DNAJC13: variants seen among roughly 807,000 people sequenced by gnomAD.
DNAJC13 encodes dnaJ homolog subfamily C member 13.
Under a neutral mutation model 290.5 loss-of-function variants are expected in DNAJC13, and 75 were observed. The observed-to-expected ratio is 0.26, with a 90% CI of 0.21 to 0.31. The LOEUF (loss-of-function observed/expected upper bound fraction) is 0.31, where lower values mean the gene tolerates loss of function less well. Ranked by LOEUF, DNAJC13 falls within the 10% of genes least tolerant of loss-of-function variation. The pLI is 1.00. For missense variants in DNAJC13, 2,260 were observed against 2,674.5 expected (o/e 0.85, Z 3.42); for synonymous variants, 862 against 892.0 (o/e 0.97, Z 0.60).
chr3:132,516,452 C>T lies in DNAJC13; in HGVS notation c.5516C>T (p.Ala1839Val), dbSNP rs375073935. 2.4e-5 allele frequency: 38 copies of T among 1,613,656 alleles called. No individual in the cohort carries two copies. The highest frequency in any genetic ancestry group is 3.1e-5 in the Non-Finnish European group (36 of 1,179,784). ...CAGCTTGTTCTGGAAACTCTTTATG[C>T]TTTGACATCGAGTACAAAAATAATC... ...SRQLVLETLYALTSSTKIIKE... is the reference protein window; with the variant it reads ...SRQLVLETLYVLTSSTKIIKE... The change falls in exon 47 of 56, where the codon GCT becomes GTT. Residue 1839 changes from alanine to valine, a missense_variant. This residue lies in a region of DNAJC13 where 1,494 missense variants were observed against 1,693.7 expected (regional missense o/e 0.88). Coordinates refer to ENST00000260818, the MANE Select transcript of DNAJC13 (RefSeq NM_015268.4).
At chr3:132,418,692 A>C (rs1938871312) in intron 1 of DNAJC13, among the ~76,000 whole-genome samples, 1 of 152,148 alleles carries the variant, frequency 6.6e-6, no homozygotes, top group South Asian at 2.1e-4. Context: ...TATAGTGTAC[A>C]GTTATGTTGA....
intron 55 of DNAJC13, among the ~76,000 whole-genome samples, chr3:132,536,389 T>C (rs913799018): frequency 6.6e-6 from 1 of 152,082 alleles, no homozygotes; most frequent in Non-Finnish European, 1.5e-5. Context: ...CCCCCATCTG[T>C]TAAATACACA....
chr3:132,479,427 A>C, intron 25 of DNAJC13, 138 bp downstream of exon 25: 1 of 608,688 alleles, frequency 1.6e-6, no homozygotes, highest in Non-Finnish European at 2.9e-6. Flanking sequence ...TGTGTGCTCT[A>C]ATCTCCTGGA....
At chr3:132,447,071 GTTC>G (rs1200852915) in intron 3 of DNAJC13, among the ~76,000 whole-genome samples, 3 of 151,942 alleles carry the variant, frequency 2.0e-5, no homozygotes, top group African/African-American at 7.3e-5. Flanking sequence ...TCACTTCCCA[GTTC>G]TTATCACTTT....
chr3:132,468,840 G>A (rs1314146524), intron 20 of DNAJC13, among the ~76,000 whole-genome samples: 3 of 152,070 alleles, frequency 2.0e-5, no homozygotes, highest in Admixed American at 6.5e-5. Flanking sequence ...TAGTTAAACC[G>A]ATTTCTAAAA....
chr3:132,458,901 C>T (rs923696712), intron 13 of DNAJC13, among the ~76,000 whole-genome samples: 2 of 152,082 alleles, frequency 1.3e-5, no homozygotes, highest in African/African-American at 4.8e-5. Context: ...TGAATTATTG[C>T]TATTTCTAAA....
intron 20 of DNAJC13, 94 bp from the exon 21 acceptor site, chr3:132,473,051 G>A: frequency 2.5e-6 from 2 of 803,744 alleles, no homozygotes; most frequent in Non-Finnish European, 2.0e-6. Context: ...TTTGATGAAA[G>A]AAATGTTTCT....
At position 132,477,880 on chromosome 3, in the gene DNAJC13, C is replaced by T. The variant is rs748318212; in HGVS notation, c.2537C>T (p.Ser846Leu). The T allele has an allele frequency of 6.2e-7, 1 of 1,612,550 alleles. No homozygotes were observed. The highest frequency in any genetic ancestry group is 1.1e-5 in the South Asian group (1 of 90,802). Residue 846 changes from serine (S) to leucine (L), a missense_variant, in exon 23 of 56, where the codon TCA becomes TTA. Physicochemically the swap from Ser to Leu is moderately radical, Grantham distance 145 (BLOSUM62 -2). Around this residue, in one of 3 missense-constraint regions of DNAJC13, gnomAD observed 1,494 missense variants for 1,693.7 expected, o/e 0.88. Coordinates refer to ENST00000260818, the MANE Select transcript of DNAJC13 (RefSeq NM_015268.4). Reference protein sequence around the residue: ...LEEDENEESGSIKRSYEFFNE... With the variant: ...LEEDENEESGLIKRSYEFFNE... ...GAAGATGAGAATGAAGAAAGTGGAT[C>T]AATTAAGAGATCGTGAGCTACTCTG...
chr3:132,450,618 C>G (rs1933388714), intron 5 of DNAJC13, 29 bp from the exon 6 acceptor site: 2 of 1,519,342 alleles, frequency 1.3e-6, no homozygotes, highest in African/African-American at 2.8e-5. Context: ...ATTTTATGAA[C>G]CTAAAAGTAA....
intron 1 of DNAJC13, among the ~76,000 whole-genome samples, chr3:132,424,748 G>A (rs1939047469): frequency 6.6e-6 from 1 of 151,972 alleles, no homozygotes; most frequent in African/African-American, 2.4e-5. Context: ...GGAGGTATCG[G>A]GTTCTTCAGT....
intron 44 of DNAJC13, among the ~76,000 whole-genome samples, chr3:132,512,579 G>A (rs565225209): frequency 6.6e-6 from 1 of 152,272 alleles, no homozygotes; most frequent in South Asian, 2.1e-4. Flanking sequence ...CAGTTTGTTT[G>A]TATTATAGTT....
At chr3:132,534,528 C>A (rs1419167656) in intron 55 of DNAJC13, among the ~76,000 whole-genome samples, 2 of 152,144 alleles carry the variant, frequency 1.3e-5, no homozygotes, top group Admixed American at 6.5e-5. Context: ...CATGTTGGTG[C>A]ATGCCTGTAG....
chr3:132,525,016 TAGTA>T (rs1317516079), intron 51 of DNAJC13, among the ~76,000 whole-genome samples: 2 of 152,224 alleles, frequency 1.3e-5, no homozygotes, highest in Admixed American at 1.3e-4. Flanking sequence ...TAAAAATTTC[TAGTA>T]ATATCATTTG....
intron 14 of DNAJC13, 126 bp downstream of exon 14, chr3:132,460,483 A>G (rs1418534246): frequency 3.1e-5 from 19 of 607,584 alleles, no homozygotes; most frequent in Non-Finnish European, 5.2e-5. Context: ...AGTATTGGTC[A>G]CAGTTCAGCT....
Position 132,490,963 on chromosome 3 carries a change from T to C in DNAJC13, c.3535T>C (p.Tyr1179His). 1 of 1,612,962 alleles carries C rather than the reference T, an allele frequency of 6.2e-7. No individual in the cohort carries two copies. The highest frequency in any genetic ancestry group is 8.5e-7 in the Non-Finnish European group (1 of 1,179,466). Residue 1179 changes from tyrosine to histidine, a missense_variant, in exon 32 of 56, where the codon TAC (tyrosine) becomes CAC (histidine). Physicochemically the swap from Tyr to His is moderately conservative, Grantham distance 83 (BLOSUM62 2). Around this residue, in one of 3 missense-constraint regions of DNAJC13, gnomAD observed 1,494 missense variants for 1,693.7 expected, o/e 0.88. Transcript: ENST00000260818. The part of the protein sequence containing the change: ...GHILPEAMVC[Y>H]LENYEPEKFS... The stretch of plus-strand genomic sequence containing the variant: ...CATTCTACCTGAAGCAATGGTTTGT[T>C]ACTTAGAAAATTATGAACCTGAAAA...
chr3:132,529,412 A>G (rs556828902), intron 54 of DNAJC13, among the ~76,000 whole-genome samples: 82 of 152,308 alleles, frequency 5.4e-4, no homozygotes, highest in Middle Eastern at 3.4e-3. Context: ...CCGGTAATGA[A>G]TTTACTGGAT....
intron 17 of DNAJC13, among the ~76,000 whole-genome samples, chr3:132,465,585 G>C (rs966592282): frequency 1.3e-5 from 2 of 152,128 alleles, no homozygotes; most frequent in South Asian, 2.1e-4. Context: ...TATTAGAACA[G>C]TTGTTGACTT....
intron 16 of DNAJC13, among the ~76,000 whole-genome samples, chr3:132,463,295 A>AT (rs1933867877): frequency 6.6e-6 from 1 of 152,240 alleles, no homozygotes; most frequent in South Asian, 2.1e-4. Context: ...TAGTGTGCAT[A>AT]TACAGCCAAA....
intron 6 of DNAJC13, among the ~76,000 whole-genome samples, chr3:132,452,185 C>G (rs75806535): frequency 6.6e-6 from 1 of 152,102 alleles, no homozygotes; most frequent in Non-Finnish European, 1.5e-5. Context: ...ATAAGGTAAA[C>G]GTTAAGGATG....
Sources: gnomAD v4.1 joint callset for allele counts (sites outside exome capture counted in the v4.1 genomes callset) on GRCh38, gnomAD v4.1.1 for gene constraint, gnomAD v4.1.1 regional missense constraint, MANE v1.5 for transcripts, NCBI Gene and HGNC (gene_info 2026-07-23, HGNC 2026-07-21) for gene names.